Variants in SAMD13 observed in about 807,000 individuals in gnomAD.
The protein encoded by SAMD13 is sterile alpha motif domain containing 13, also known as sterile alpha motif domain-containing protein 13.
Under a neutral mutation model 12.4 loss-of-function variants are expected in SAMD13, and 9 were observed. The observed-to-expected ratio is 0.72, with a 90% CI of 0.44 to 1.26. The LOEUF (loss-of-function observed/expected upper bound fraction) is 1.26, where lower values mean the gene tolerates loss of function less well. SAMD13 is among the 50% of genes most tolerant of loss of function. The pLI is 0.00. For missense variants in SAMD13, 84 were observed against 119.6 expected (o/e 0.70, Z 1.39); for synonymous variants, 46 against 45.4 (o/e 1.01, Z -0.05).
intron 3 of SAMD13, among the ~76,000 whole-genome samples, chr1:84,327,655 CA>C (rs1679086891): frequency 6.7e-6 from 1 of 148,558 alleles, no homozygotes; most frequent in Non-Finnish European, 1.5e-5. Context: ...GGTATAAAAA[CA>C]GAAGTGTTTA....
chr1:84,302,583 C>A (rs919522728), intron 1 of SAMD13: 30 of 781,128 alleles, frequency 3.8e-5, no homozygotes, highest in Non-Finnish European at 1.2e-5. Context: ...CACACCAGCA[C>A]CACCTTTCTG....
chr1:84,299,267 CCAAT>C (rs1379917402), upstream of SAMD13, among the ~76,000 whole-genome samples: 1 of 152,170 alleles, frequency 6.6e-6, no homozygotes. Context: ...AGAAAAGAAG[CCAAT>C]CAAAGTCAAC....
At chr1:84,306,133 T>C (rs1310887077) in intron 2 of SAMD13, among the ~76,000 whole-genome samples, 1 of 152,184 alleles carries the variant, frequency 6.6e-6, no homozygotes, top group African/African-American at 2.4e-5. Context: ...TCCATTTGCT[T>C]ATGTCTTCTT....
chr1:84,304,728 T>C (rs1471878540), intron 2 of SAMD13, among the ~76,000 whole-genome samples: 2 of 152,076 alleles, frequency 1.3e-5, no homozygotes, highest in African/African-American at 4.8e-5. Flanking sequence ...AGTTTGCTTC[T>C]TCTAGAATTT....
chr1:84,335,240 T>C (rs1169573789), intron 3 of SAMD13, among the ~76,000 whole-genome samples: 2 of 152,210 alleles, frequency 1.3e-5, no homozygotes, highest in African/African-American at 4.8e-5. Context: ...TTTGGGTGCA[T>C]ATATACTTAG....
chr1:84,324,681 T>C (rs969177001), intron 2 of SAMD13, among the ~76,000 whole-genome samples: 1 of 152,116 alleles, frequency 6.6e-6, no homozygotes, highest in African/African-American at 2.4e-5. Flanking sequence ...TGTGATTGGA[T>C]GTACACTCTG....
At chr1:84,303,346 A>G (rs1477826473) in intron 2 of SAMD13, 59 bp downstream of exon 2, 8 of 1,401,134 alleles carry the variant, frequency 5.7e-6, no homozygotes, top group Admixed American at 5.2e-5. Context: ...CTTAGTTTCT[A>G]TTTTCGTACT....
chr1:84,302,724 GTCCT>G (rs1225367424), intron 1 of SAMD13: 2 of 981,394 alleles, frequency 2.0e-6, no homozygotes, highest in African/African-American at 3.5e-5. Context: ...AGCTTTAAGT[GTCCT>G]TCTGCATTGC....
chr1:84,305,428 T>C (rs191314416), intron 2 of SAMD13, among the ~76,000 whole-genome samples: 8 of 152,250 alleles, frequency 5.3e-5, no homozygotes, highest in African/African-American at 1.7e-4. Context: ...TTTGAAAATA[T>C]TTTCTTTAAG....
intron 3 of SAMD13, among the ~76,000 whole-genome samples, chr1:84,346,801 G>A (rs990791294): frequency 1.3e-5 from 2 of 152,160 alleles, no homozygotes; most frequent in African/African-American, 4.8e-5. Flanking sequence ...TTTATGAAAC[G>A]AATGTTTTAT....
At chr1:84,347,672 T>A (rs1679560369) in intron 3 of SAMD13, among the ~76,000 whole-genome samples, 2 of 152,172 alleles carry the variant, frequency 1.3e-5, no homozygotes, top group African/African-American at 4.8e-5. Context: ...CAGTAAAACA[T>A]TCCGAGCCTG....
chr1:84,337,773 C>T (rs1452639417), intron 3 of SAMD13, among the ~76,000 whole-genome samples: 1 of 152,212 alleles, frequency 6.6e-6, no homozygotes, highest in Non-Finnish European at 1.5e-5. Context: ...TGTCAGGGTG[C>T]AAATTTTCTG....
intron 3 of SAMD13, chr1:84,345,238 A>G (rs1308240301): frequency 2.2e-6 from 1 of 456,148 alleles, no homozygotes; most frequent in South Asian, 1.6e-5. Flanking sequence ...AATGAAGCAG[A>G]AAAAGACTGT....
intron 2 of SAMD13, chr1:84,303,990 G>T (rs1309604475): frequency 6.6e-6 from 1 of 152,134 alleles, no homozygotes; most frequent in Non-Finnish European, 1.5e-5. Context: ...ATTACAAGGA[G>T]AAAGTGAGTT....
intron 2 of SAMD13, among the ~76,000 whole-genome samples, chr1:84,306,001 AAATT>A (rs1208442501): frequency 6.6e-6 from 1 of 152,166 alleles, no homozygotes; most frequent in African/African-American, 2.4e-5. Context: ...AGTTTCCACC[AAATT>A]TTTTTTTGAA....
Position 84,330,068 on chromosome 1 carries a change from C to T in SAMD13, c.165+4320C>T, listed in dbSNP as rs568709893. Among the ~76,000 whole-genome samples, 5 of 152,280 alleles carry T rather than the reference C, an allele frequency of 3.3e-5. No homozygotes were observed. In the East Asian group the frequency reaches 9.6e-4, roughly 29 times the overall value. On this transcript the variant is annotated intron_variant, in intron 3 of 3. Transcript: ENST00000394834. Reference sequence around the variant, plus strand: ...GGTGTGGGGGCTATTTTCCCAAGCACCTTCTAGCAGACAAACATTTTAGGC... The same window carrying T: ...GGTGTGGGGGCTATTTTCCCAAGCATCTTCTAGCAGACAAACATTTTAGGC...
Position 84,301,799 on chromosome 1 carries a change from T to C in SAMD13, c.-35T>C, listed in dbSNP as rs1205383588. The C allele has an allele frequency of 2.0e-6, 2 of 982,656 alleles. No individual in the cohort carries two copies. The highest frequency in any genetic ancestry group is 2.4e-6 in the Non-Finnish European group (2 of 827,512). 60.9% of individuals were successfully genotyped at this position (982,656 alleles called of 1,614,324 possible). On this transcript the variant is annotated splice_region_variant and 5_prime_UTR_variant, in exon 1 of 4. The change abolishes the stop of an existing upstream ORF in the 5' untranslated region. Coordinates refer to ENST00000394834, the MANE Select transcript of SAMD13 (RefSeq NM_001134663.2). ...AAAAATGATATTTTTTAGTTGCTTA[T>C]AGGTAGGTTTTCTTTTTACTCTTCC...
intron 1 of SAMD13, chr1:84,302,769 G>T: frequency 2.7e-6 from 2 of 749,740 alleles, no homozygotes; most frequent in Non-Finnish European, 3.2e-6. Context: ...AGGGGGAGTG[G>T]ACAAAAAAAA....
Position 84,306,522 on chromosome 1 carries a change from G to C in SAMD13, c.53+3235G>C, listed in dbSNP as rs575221122. On this transcript the variant is annotated intron_variant, in intron 2 of 3. Coordinates refer to ENST00000394834, the MANE Select transcript of SAMD13 (RefSeq NM_001134663.2). ...AAAAGTTGAAAAAAGTGGTGAGCTG[G>C]GTATGGTGGCTAACACCTGTAATCC... Among the ~76,000 whole-genome samples, 6 of 151,736 alleles carry C rather than the reference G, an allele frequency of 4.0e-5. No individual in the cohort carries two copies. The South Asian group carries it at 1.2e-3, about 32-fold the overall frequency.
Sources: gnomAD v4.1 joint callset for allele counts (sites outside exome capture counted in the v4.1 genomes callset) on GRCh38, gnomAD v4.1.1 for gene constraint, MANE v1.5 for transcripts, NCBI Gene and HGNC (gene_info 2026-07-23, HGNC 2026-07-21) for gene names.